Variants in DGKB observed in about 807,000 individuals in gnomAD.
DGKB encodes diacylglycerol kinase beta, also known as 90 kDa diacylglycerol kinase.
In DGKB, 67 loss-of-function variants were observed where a neutral mutation model predicts 114.3. The ratio of observed to expected loss-of-function variants is 0.59; its 90% CI spans 0.48 to 0.72. The LOEUF (loss-of-function observed/expected upper bound fraction) is 0.72. Among genes scored for constraint, DGKB ranks in the 30% least tolerant of loss-of-function variants. The probability of loss-of-function intolerance (pLI) is 0.00; values close to 1 mark genes in which losing one functional copy is unlikely to be tolerated. For synonymous variants in DGKB, 398 were observed against 323.1 expected (o/e 1.23, Z -2.49); for missense variants, 907 against 975.2 (o/e 0.93, Z 0.93).
At chr7:14,529,716 T>C (rs1018709808) in intron 20 of DGKB, among the ~76,000 whole-genome samples, 1 of 151,842 alleles carries the variant, frequency 6.6e-6, no homozygotes, top group South Asian at 2.1e-4. Flanking sequence ...ATAGTGTTAA[T>C]ATCATAATTT....
intron 2 of DGKB, among the ~76,000 whole-genome samples, chr7:14,835,066 A>G (rs779267322): frequency 2.6e-5 from 4 of 152,172 alleles, no homozygotes; most frequent in Non-Finnish European, 5.9e-5. Context: ...GCCAACATAT[A>G]TTCTAGAAAT....
chr7:14,501,911 C>T (rs748221168), intron 20 of DGKB, among the ~76,000 whole-genome samples: 5 of 151,854 alleles, frequency 3.3e-5, no homozygotes, highest in Admixed American at 1.3e-4. Context: ...GTCTGGACTT[C>T]GAACAAATAC....
chr7:14,871,151 T>TG (rs1313960469), intron 1 of DGKB, among the ~76,000 whole-genome samples: 1 of 152,078 alleles, frequency 6.6e-6, no homozygotes, highest in Non-Finnish European at 1.5e-5. Flanking sequence ...TATATATTTA[T>TG]GGGGTAAAAT....
At chr7:14,360,718 G>T (rs1583406313) in intron 21 of DGKB, among the ~76,000 whole-genome samples, 2 of 151,964 alleles carry the variant, frequency 1.3e-5, no homozygotes, top group East Asian at 3.9e-4. Flanking sequence ...TATTTGCTTG[G>T]CATATTCAAA....
At chr7:14,824,432 A>G (rs550630359) in intron 2 of DGKB, among the ~76,000 whole-genome samples, 1 of 152,330 alleles carries the variant, frequency 6.6e-6, no homozygotes, top group East Asian at 1.9e-4. Context: ...AGAAATAGAA[A>G]TAAGTGAGAA....
At chr7:14,247,810 C>T (rs535059330) in intron 23 of DGKB, among the ~76,000 whole-genome samples, 20 of 151,754 alleles carry the variant, frequency 1.3e-4, no homozygotes, top group Non-Finnish European at 2.7e-4. Context: ...CTCTTTATGC[C>T]TTTGATTATT....
At chr7:14,468,216 C>G (rs1419915271) in intron 21 of DGKB, among the ~76,000 whole-genome samples, 1 of 152,038 alleles carries the variant, frequency 6.6e-6, no homozygotes, top group Non-Finnish European at 1.5e-5. Flanking sequence ...CTATGAACAT[C>G]AAAGGGGAAG....
At chr7:14,754,535 G>C (rs895734487) in intron 3 of DGKB, among the ~76,000 whole-genome samples, 4 of 151,632 alleles carry the variant, frequency 2.6e-5, no homozygotes, top group African/African-American at 7.3e-5. Flanking sequence ...TCTCAGCTGT[G>C]AGTGGAACAA....
At chr7:14,878,268 T>G (rs1017566731) in intron 1 of DGKB, among the ~76,000 whole-genome samples, 1 of 152,204 alleles carries the variant, frequency 6.6e-6, no homozygotes, top group Non-Finnish European at 1.5e-5. Context: ...CAAATGGAAA[T>G]GTAGAGTAAA....
chr7:14,483,474 G>A (rs967951535), intron 20 of DGKB, among the ~76,000 whole-genome samples: 6 of 152,150 alleles, frequency 3.9e-5, no homozygotes, highest in African/African-American at 9.7e-5. Flanking sequence ...TTAAGTTGAT[G>A]ACGTAAAGGA....
At chr7:14,507,722 T>C (rs1787316695) in intron 20 of DGKB, among the ~76,000 whole-genome samples, 1 of 152,190 alleles carries the variant, frequency 6.6e-6, no homozygotes, top group South Asian at 2.1e-4. Flanking sequence ...TTCTATGTAC[T>C]ATCTATCGAA....
At chr7:14,874,845 C>A (rs149889396) in intron 1 of DGKB, among the ~76,000 whole-genome samples, 290 of 152,202 alleles carry the variant, frequency 1.9e-3, no homozygotes, top group African/African-American at 6.4e-3. Context: ...ATCACATAGT[C>A]CCCTGCATGT....
intron 23 of DGKB, among the ~76,000 whole-genome samples, chr7:14,327,668 G>A (rs1459205447): frequency 1.3e-5 from 2 of 151,986 alleles, no homozygotes; most frequent in African/African-American, 4.8e-5. Flanking sequence ...TTTAGACTGA[G>A]TAAAAGATGC....
intron 2 of DGKB, among the ~76,000 whole-genome samples, chr7:14,820,540 T>C (rs912055761): frequency 2.6e-5 from 4 of 152,216 alleles, no homozygotes; most frequent in African/African-American, 9.6e-5. Flanking sequence ...AATTGTGTTT[T>C]ACCATTTATA....
At chr7:14,889,274 CA>C (rs1156745551) in intron 1 of DGKB, among the ~76,000 whole-genome samples, 2 of 151,686 alleles carry the variant, frequency 1.3e-5, no homozygotes, top group African/African-American at 4.8e-5. Flanking sequence ...GCTCTACCAG[CA>C]TTCCATGTAG....
intron 7 of DGKB, among the ~76,000 whole-genome samples, chr7:14,700,411 A>G (rs1824950849): frequency 6.6e-6 from 1 of 151,946 alleles, no homozygotes; most frequent in South Asian, 2.1e-4. Flanking sequence ...ACGGGGTTTC[A>G]CCATGTTGGC....
intron 23 of DGKB, among the ~76,000 whole-genome samples, chr7:14,278,016 T>C (rs761809313): frequency 6.6e-6 from 1 of 152,222 alleles, no homozygotes; most frequent in Non-Finnish European, 1.5e-5. Context: ...TCCCTAATGA[T>C]AGGTAATGCT....
At chr7:14,610,423 T>A (rs1805335222) in intron 16 of DGKB, among the ~76,000 whole-genome samples, 1 of 152,058 alleles carries the variant, frequency 6.6e-6, no homozygotes, top group Non-Finnish European at 1.5e-5. Flanking sequence ...AACTACCTGT[T>A]GGGTACTACG....
chr7:14,630,604 C>G (rs1242577784), intron 13 of DGKB, among the ~76,000 whole-genome samples: 1 of 151,792 alleles, frequency 6.6e-6, no homozygotes, highest in Non-Finnish European at 1.5e-5. Flanking sequence ...TTTAATTTGC[C>G]CCTTTACCCA....
Sources: gnomAD v4.1 joint callset for allele counts (sites outside exome capture counted in the v4.1 genomes callset) on GRCh38, gnomAD v4.1.1 for gene constraint, MANE v1.5 for transcripts, NCBI Gene and HGNC (gene_info 2026-07-23, HGNC 2026-07-21) for gene names.